The following RIMS2 variants were observed in gnomAD, a reference collection of about 807,000 sequenced individuals.
RIMS2 encodes regulating synaptic membrane exocytosis protein 2.
RIMS2 carries 59 observed loss-of-function variants against 174.4 expected under a neutral mutation model. The observed-to-expected ratio is 0.34, with a 90% CI of 0.27 to 0.42. RIMS2 has a LOEUF of 0.42. RIMS2 is among the 10% of genes least tolerant of loss of function. RIMS2 has a pLI of 1.00. For synonymous variants in RIMS2, 606 were observed against 572.5 expected, an observed-to-expected ratio of 1.06 and a Z score of -0.84; for missense variants, 1,620 against 1,666.3, an observed-to-expected ratio of 0.97 and a Z score of 0.48.
chr8:103,679,997 A>G (rs142609631), intron 1 of RIMS2, among the ~76,000 whole-genome samples: 355 of 152,238 alleles, frequency 2.3e-3, no homozygotes, highest in African/African-American at 8.2e-3. Flanking sequence ...GAGTAGTGAC[A>G]GAGACTGTAT....
chr8:103,712,134 G>A (rs1355525385), intron 2 of RIMS2, among the ~76,000 whole-genome samples: 1 of 150,620 alleles, frequency 6.6e-6, no homozygotes, highest in Admixed American at 6.6e-5. Flanking sequence ...TGAGACTACA[G>A]GTGCACACCG....
intron 19 of RIMS2, among the ~76,000 whole-genome samples, chr8:104,198,081 A>G (rs1197173322): frequency 6.6e-6 from 1 of 152,212 alleles, no homozygotes; most frequent in Non-Finnish European, 1.5e-5. Context: ...TTCAAAATCA[A>G]TAATCCTTTT....
intron 19 of RIMS2, among the ~76,000 whole-genome samples, chr8:104,026,757 G>A (rs1180935482): frequency 1.3e-5 from 2 of 152,132 alleles, no homozygotes; most frequent in African/African-American, 4.8e-5. Flanking sequence ...GGCATTCTAG[G>A]TATTGGATAC....
intron 2 of RIMS2, among the ~76,000 whole-genome samples, chr8:103,723,802 G>T (rs1021801547): frequency 6.6e-6 from 1 of 151,914 alleles, no homozygotes; most frequent in African/African-American, 2.4e-5. Context: ...ATAGCCTGAG[G>T]CCACAGAGCT....
At chr8:103,595,239 T>G (rs190558028) in intron 1 of RIMS2, among the ~76,000 whole-genome samples, 16 of 152,002 alleles carry the variant, frequency 1.1e-4, no homozygotes, top group African/African-American at 3.8e-4. Flanking sequence ...CTATTTGAAG[T>G]GTCCATGTTA....
In RIMS2 at chr8:103,982,970, T is replaced by G. The variant is rs183838922; in HGVS notation, c.2928-6335T>G. ...AGTTAGAAGTCAAGTTATCCTTGCT[T>G]GCAGATGACATGATCTTATATTTGG... On this transcript the variant is annotated intron_variant, in intron 16 of 23. Coordinates refer to ENST00000504942, the Ensembl canonical transcript of RIMS2. Among the ~76,000 whole-genome samples, 335 of 152,324 alleles carry G rather than the reference T, an allele frequency of 2.2e-3. 1 individual carries two copies. The highest frequency in any genetic ancestry group is 3.7e-3 in the Non-Finnish European group (249 of 68,032).
chr8:104,074,287 TG>T (rs1358027119), intron 19 of RIMS2, among the ~76,000 whole-genome samples: 1 of 152,176 alleles, frequency 6.6e-6, no homozygotes, highest in Non-Finnish European at 1.5e-5. Flanking sequence ...GGACTCTGCC[TG>T]GGTGGCTTGG....
At chr8:103,998,282 G>A in intron 17 of RIMS2, 2 of 1,458,676 alleles carry the variant, frequency 1.4e-6, no homozygotes, top group Non-Finnish European at 1.9e-6. Context: ...GTCTGTTTGT[G>A]GAATTGCTTG....
chr8:103,758,458 G>C (rs1459547209), intron 2 of RIMS2, among the ~76,000 whole-genome samples: 2 of 152,206 alleles, frequency 1.3e-5, no homozygotes, highest in South Asian at 4.1e-4. Context: ...ACAGCTTCTA[G>C]GAAGCTGTAG....
At chr8:103,777,645 T>A (rs1220480005) in intron 3 of RIMS2, among the ~76,000 whole-genome samples, 2 of 151,996 alleles carry the variant, frequency 1.3e-5, no homozygotes, top group Admixed American at 6.6e-5. Context: ...AACAGTGCTT[T>A]ATGCTAATTA....
At chr8:104,157,481 A>C (rs191827921) in intron 19 of RIMS2, among the ~76,000 whole-genome samples, 1 of 152,334 alleles carries the variant, frequency 6.6e-6, no homozygotes, top group East Asian at 1.9e-4. Flanking sequence ...TGCAACTATC[A>C]CCACAATCCA....
At chr8:103,712,906 T>G (rs1322541724) in intron 2 of RIMS2, among the ~76,000 whole-genome samples, 2 of 152,228 alleles carry the variant, frequency 1.3e-5, no homozygotes, top group African/African-American at 4.8e-5. Context: ...AGAATTTTTT[T>G]GAAGTTAAAA....
chr8:103,711,080 T>C (rs983482617), intron 2 of RIMS2, among the ~76,000 whole-genome samples: 4 of 152,246 alleles, frequency 2.6e-5, no homozygotes, highest in African/African-American at 7.2e-5. Flanking sequence ...ATTCTTAAAG[T>C]TGATCTACCT....
chr8:103,944,901 T>C (rs1329953807), intron 14 of RIMS2, among the ~76,000 whole-genome samples: 2 of 152,006 alleles, frequency 1.3e-5, no homozygotes, highest in African/African-American at 2.4e-5. Flanking sequence ...TATGAATAGA[T>C]AGAAAGCTAA....
rs76478257 is a variant in RIMS2, at chr8:103,873,327, C to A, written c.699-11971C>A. ...CTGCCACAAGTTTTATAGAAACAGGCTGTAAAATAGTCTCAGACCAATGTA... is the reference window on the plus strand; with the variant it reads ...CTGCCACAAGTTTTATAGAAACAGGATGTAAAATAGTCTCAGACCAATGTA... On this transcript the variant is annotated intron_variant, in intron 3 of 23. Coordinates refer to ENST00000504942, the Ensembl canonical transcript of RIMS2. 3.6e-3 allele frequency among the ~76,000 whole-genome samples: 555 copies of A among 152,198 alleles called. 17 individuals carry two copies. The East Asian group carries it at 0.094, about 26-fold the overall frequency.
intron 19 of RIMS2, among the ~76,000 whole-genome samples, chr8:104,053,624 T>C (rs1397022227): frequency 6.6e-6 from 1 of 152,230 alleles, no homozygotes; most frequent in East Asian, 1.9e-4. Context: ...TCACTTAGTA[T>C]AAATTGTTTT....
intron 2 of RIMS2, among the ~76,000 whole-genome samples, chr8:103,722,944 C>T (rs926542775): frequency 1.3e-5 from 2 of 152,134 alleles, no homozygotes; most frequent in African/African-American, 4.8e-5. Context: ...AACCCTGTCT[C>T]TACTAAAAAA....
chr8:103,647,896 A>ATTTT (rs71297225), intron 1 of RIMS2, among the ~76,000 whole-genome samples: 1,410 of 114,514 alleles, frequency 0.012, 25 homozygotes, highest in African/African-American at 0.039. Context: ...TTTTTTTTTG[A>ATTTT]TTTTTTTTTT....
chr8:103,690,209 C>G (rs1260499657), intron 1 of RIMS2, among the ~76,000 whole-genome samples: 2 of 152,140 alleles, frequency 1.3e-5, no homozygotes, highest in Non-Finnish European at 2.9e-5. Flanking sequence ...AGTGGTCCCC[C>G]CACCTCAGCT....
Sources: allele counts gnomAD v4.1 joint callset (sites outside exome capture counted in the v4.1 genomes callset), GRCh38; gene constraint gnomAD v4.1.1; transcripts MANE v1.5; gene names NCBI Gene and HGNC (gene_info 2026-07-23, HGNC 2026-07-21).